The following MYT1L variants were observed in gnomAD, a reference collection of about 807,000 sequenced individuals.
The protein encoded by MYT1L is myelin transcription factor 1-like protein.
In MYT1L, 12 loss-of-function variants were observed where a neutral mutation model predicts 126.7. That is an observed-to-expected ratio of 0.09 (90% CI 0.06 to 0.15). MYT1L has a LOEUF of 0.15. MYT1L is among the 10% of genes least tolerant of loss of function. MYT1L has a pLI of 1.00. For synonymous variants in MYT1L, 541 were observed against 604.2 expected (o/e 0.90, Z 1.53); for missense variants, 979 against 1,585.2 (o/e 0.62, Z 6.49).
chr2:1,948,057 T>C (rs2057399682), intron 8 of MYT1L, among the ~76,000 whole-genome samples: 1 of 152,222 alleles, frequency 6.6e-6, no homozygotes, highest in Non-Finnish European at 1.5e-5. Context: ...CTTTACTCTC[T>C]AAAGCTTTAC....
At position 2,102,604 on chromosome 2, in the gene MYT1L, ATGTGTGTG is replaced by A. The variant is rs3047992; in HGVS notation, c.-303-48489_-303-48482del. On this transcript the variant is annotated intron_variant, in intron 3 of 24. Coordinates refer to ENST00000647738, the MANE Select transcript of MYT1L (RefSeq NM_001303052.2). ...TCCATTTTGGCAATGCCTCTTGGGAATGTGTGTGTGTGTGTGTGTGTGTGTGTGTGTGT... is the reference window on the plus strand; with the variant it reads ...TCCATTTTGGCAATGCCTCTTGGGAATGTGTGTGTGTGTGTGTGTGTGTGT... Among the ~76,000 whole-genome samples the A allele has an allele frequency of 4.7e-3, 669 of 143,118 alleles. 5 individuals carry two copies. The highest frequency in any genetic ancestry group is 0.016 in the African/African-American group (641 of 39,000). 93.9% of individuals were successfully genotyped at this position (143,118 alleles called of 152,430 possible). A position where few individuals can be genotyped will look rare whatever the true frequency, so the allele number is the denominator to read the frequency against.
chr2:1,850,255 G>T (rs2043094443), intron 19 of MYT1L, among the ~76,000 whole-genome samples: 2 of 114,024 alleles, frequency 1.8e-5, no homozygotes, highest in African/African-American at 3.4e-5. Context: ...TTCCTTCCCT[G>T]TCTTTTCTCT....
chr2:2,310,847 A>G (rs1412514679), intron 1 of MYT1L, among the ~76,000 whole-genome samples: 1 of 151,882 alleles, frequency 6.6e-6, no homozygotes, highest in Non-Finnish European at 1.5e-5. Flanking sequence ...CTAACAAGGT[A>G]AAGAGTTGGT....
intron 4 of MYT1L, among the ~76,000 whole-genome samples, chr2:2,010,241 G>T (rs956793714): frequency 6.6e-6 from 1 of 152,146 alleles, no homozygotes; most frequent in Non-Finnish European, 1.5e-5. Context: ...CGTACAGGCA[G>T]CAGGGGATTA....
At chr2:2,293,658 C>T (rs2095632282) in intron 1 of MYT1L, among the ~76,000 whole-genome samples, 1 of 152,186 alleles carries the variant, frequency 6.6e-6, no homozygotes, top group South Asian at 2.1e-4. Flanking sequence ...CTTAGGTGCG[C>T]AGGGCCAAAG....
chr2:2,253,910 A>G (rs2094732506), intron 2 of MYT1L, among the ~76,000 whole-genome samples: 1 of 152,190 alleles, frequency 6.6e-6, no homozygotes, highest in African/African-American at 2.4e-5. Flanking sequence ...CTTTCATCCT[A>G]AGCTTATTTA....
chr2:1,850,289 A>G (rs908606170), intron 19 of MYT1L, among the ~76,000 whole-genome samples: 2 of 148,378 alleles, frequency 1.3e-5, no homozygotes, highest in African/African-American at 5.0e-5. Flanking sequence ...TGCAAGCAGT[A>G]TGTTAAAAGC....
At position 1,910,112 on chromosome 2, in the gene MYT1L, C is replaced by T; in HGVS notation, c.1817+128G>A. 1 of 839,012 alleles carries T rather than the reference C, an allele frequency of 1.2e-6. No homozygotes were observed. Among genetic ancestry groups the T allele is most frequent in the Non-Finnish European group, 1.9e-6 (1 of 535,612 alleles). 52.0% of individuals were successfully genotyped at this position (839,012 alleles called of 1,614,324 possible). A position where few individuals can be genotyped will look rare whatever the true frequency, so the allele number is the denominator to read the frequency against. The stretch of plus-strand genomic sequence containing the variant: ...GAGGGGTCCTGGCCCCGGCTTCCAG[C>T]ACAGCCCCGCCCTCCAGTCCCTGCC... On this transcript the variant is annotated intron_variant, in intron 13 of 24. Transcript: ENST00000647738. This position sits in a 1 kb window ranked among gnomAD's most constrained non-coding sequence, Gnocchi z 4.8.
chr2:1,939,204 C>T (rs1382996576), intron 9 of MYT1L, among the ~76,000 whole-genome samples: 2 of 152,202 alleles, frequency 1.3e-5, no homozygotes, highest in Non-Finnish European at 2.9e-5. Context: ...GCTCTGGCCA[C>T]GTGGCTTCCT....
chr2:1,817,521 C>T (rs1417960769), intron 21 of MYT1L, among the ~76,000 whole-genome samples: 1 of 152,214 alleles, frequency 6.6e-6, no homozygotes, highest in Non-Finnish European at 1.5e-5. Context: ...AATTAGGAAA[C>T]AAAGACGGGC....
At chr2:1,981,460 T>A (rs1381176083) in intron 5 of MYT1L, among the ~76,000 whole-genome samples, 1 of 152,234 alleles carries the variant, frequency 6.6e-6, no homozygotes, top group African/African-American at 2.4e-5. Flanking sequence ...TCTCTATGAC[T>A]GGCATCTAGA....
chr2:2,121,968 G>A (rs2081078635), intron 3 of MYT1L, among the ~76,000 whole-genome samples: 1 of 152,184 alleles, frequency 6.6e-6, no homozygotes, highest in Non-Finnish European at 1.5e-5. Context: ...CCCGATGGCA[G>A]GGAAGCACTG....
At chr2:2,062,710 A>G (rs1471490784) in intron 3 of MYT1L, among the ~76,000 whole-genome samples, 1 of 152,194 alleles carries the variant, frequency 6.6e-6, no homozygotes, top group Non-Finnish European at 1.5e-5. Context: ...AACAGTCTAG[A>G]TGAGAGAGAA....
chr2:1,814,642 G>A (rs549505271), intron 21 of MYT1L, among the ~76,000 whole-genome samples: 2 of 152,290 alleles, frequency 1.3e-5, no homozygotes, highest in East Asian at 3.9e-4. Context: ...GGGGTGCGGA[G>A]CTCCCCAGCC....
chr2:2,316,678 T>G (rs1362800721), intron 1 of MYT1L, among the ~76,000 whole-genome samples: 2 of 152,364 alleles, frequency 1.3e-5, no homozygotes, highest in East Asian at 3.9e-4. Flanking sequence ...GCATTATTTC[T>G]GTGTAAAGTA....
chr2:2,138,886 C>CTGG (rs1394421121), intron 3 of MYT1L, among the ~76,000 whole-genome samples: 4 of 151,546 alleles, frequency 2.6e-5, no homozygotes, highest in Non-Finnish European at 1.5e-5. Flanking sequence ...CTCCGAAAGC[C>CTGG]TGGTGTGGTT....
At chr2:1,822,717 G>A (rs926189200) in intron 21 of MYT1L, among the ~76,000 whole-genome samples, 4 of 152,022 alleles carry the variant, frequency 2.6e-5, no homozygotes, top group African/African-American at 9.7e-5. Flanking sequence ...GGATATCTGG[G>A]TCCCTGGCAG....
intron 3 of MYT1L, among the ~76,000 whole-genome samples, chr2:2,062,790 C>T (rs573356182): frequency 1.3e-5 from 2 of 151,588 alleles, no homozygotes; most frequent in East Asian, 2.0e-4. Context: ...AATCCTTTCC[C>T]CTAGACCCTC....
chr2:2,089,745 C>T (rs578223921), intron 3 of MYT1L, among the ~76,000 whole-genome samples: 3 of 152,226 alleles, frequency 2.0e-5, no homozygotes, highest in Middle Eastern at 3.4e-3. Flanking sequence ...CTGTCTCTGT[C>T]GCTGTCTCTG....
Sources: allele counts gnomAD v4.1 joint callset (sites outside exome capture counted in the v4.1 genomes callset), GRCh38; gene constraint gnomAD v4.1.1; non-coding constraint Gnocchi (gnomAD v3.1); transcripts MANE v1.5; gene names NCBI Gene and HGNC (gene_info 2026-07-23, HGNC 2026-07-21).